PLAGL1: variants seen among roughly 807,000 people sequenced by gnomAD.
The protein encoded by PLAGL1 is zinc finger protein PLAGL1.
In PLAGL1, 1 loss-of-function variant was observed where a neutral mutation model predicts 4.6. The observed-to-expected ratio is 0.22, with a 90% confidence interval of 0.08 to 1.03. PLAGL1 has a LOEUF of 1.03. Ranked by LOEUF, PLAGL1 falls within the 50% of genes least tolerant of loss-of-function variation. The pLI is 0.58. For missense variants in PLAGL1, 464 were observed against 570.4 expected (o/e 0.81, Z 1.90); for synonymous variants, 240 against 237.8 (o/e 1.01, Z -0.08).
chr6:143,945,155 C>T lies in PLAGL1; in HGVS notation c.153-2492G>A, dbSNP rs933110149. ...CTTACTCAACAATCCTGATCTAGAA[C>T]ATTCTCATCCTATAGCTGAAATTAC... is the stretch of plus-strand genomic sequence containing the variant. On this transcript the variant is annotated intron_variant, in intron 7 of 7. Transcript: ENST00000674357. This position sits in a 1 kb window ranked among gnomAD's most constrained non-coding sequence, Gnocchi z 4.2. Among the ~76,000 whole-genome samples the T allele has an allele frequency of 1.2e-4, 19 of 152,162 alleles. No individual in the cohort carries two copies. The highest frequency in any genetic ancestry group is 6.5e-4 in the Admixed American group (10 of 15,276).
rs55768066 is a variant in PLAGL1, at chr6:143,985,982, T to TTATATATATATATATATATA, written c.-583-828_-583-809dup. 0.013 allele frequency among the ~76,000 whole-genome samples: 1,500 copies of TTATATATATATATATATATA among 111,396 alleles called. 95 individuals carry two copies. Among genetic ancestry groups the TTATATATATATATATATATA allele is most frequent in the South Asian group, 0.022 (73 of 3,306 alleles). The allele number at this position is 111,396 out of a possible 152,430, so 73.1% of individuals were successfully genotyped here. A position where few individuals can be genotyped will look rare whatever the true frequency, so the allele number is the denominator to read the frequency against. ...TATATCAAATTATATATATATAAAA[T>TTATATATATATATATATATA]TATATATATATATATATATATATAT... On this transcript the variant is annotated intron_variant, in intron 1 of 7. Coordinates refer to ENST00000674357, the MANE Select transcript of PLAGL1 (RefSeq NM_001317162.2). This position sits in a 1 kb window ranked among gnomAD's most constrained non-coding sequence, Gnocchi z 4.4.
Position 143,941,987 on chromosome 6 carries a change from G to T in PLAGL1, c.829C>A (p.Pro277Thr). 2.5e-6 allele frequency: 4 copies of T among 1,593,004 alleles called. No homozygotes were observed. In the South Asian group the frequency reaches 3.5e-5, roughly 14 times the overall value. Residue 277 changes from proline (P) to threonine (T), a missense_variant, in exon 8 of 8, where the codon CCG (proline) becomes ACG (threonine). Physicochemically the swap from Pro to Thr is conservative, Grantham distance 38 (BLOSUM62 -1). This residue lies in a region of PLAGL1 where 248 missense variants were observed against 250.1 expected (regional missense o/e 0.99). Coordinates refer to ENST00000674357, the MANE Select transcript of PLAGL1 (RefSeq NM_001317162.2). This position sits in a 1 kb window ranked among gnomAD's most constrained non-coding sequence, Gnocchi z 6.0. ...PPEQAAQPMQ[P>T]LPESLASLHP... ...AGGGAGGCCAGGGACTCTGGCAGCG[G>T]CTGCATAGGCTGGGCGGCTTGTTCT... is the stretch of plus-strand genomic sequence containing the variant.
At position 144,016,503 on chromosome 6, in the gene PLAGL1, C is replaced by T. The variant is rs1350031329; in HGVS notation, c.-150-47525G>A. On this transcript the variant is annotated intron_variant, in intron 1 of 3. Coordinates refer to the PLAGL1 transcript ENST00000437412. The surrounding 1 kb of genome is among the most constrained non-coding windows in gnomAD (Gnocchi z 4.2). ...CTTTCAATCCAATCAAGGTGACAGT[C>T]AGTATTAACCATCATAATATGTAAA... Among the ~76,000 whole-genome samples, 2 of 152,158 alleles carry T rather than the reference C, an allele frequency of 1.3e-5. No homozygotes were observed. The highest frequency in any genetic ancestry group is 4.8e-5 in the African/African-American group (2 of 41,422).
chr6:144,060,556 T>C (rs1799313184), intron 1 of PLAGL1, among the ~76,000 whole-genome samples: 1 of 152,218 alleles, frequency 6.6e-6, no homozygotes, highest in South Asian at 2.1e-4. Flanking sequence ...AGGGGCCACG[T>C]GCATCTAAAA....
chr6:143,973,478 C>CG lies in PLAGL1; in HGVS notation c.-543-4501dup, dbSNP rs761805649. Among the ~76,000 whole-genome samples, 3 of 152,112 alleles carry CG rather than the reference C, an allele frequency of 2.0e-5. No homozygotes were observed. The highest frequency in any genetic ancestry group is 4.8e-5 in the African/African-American group (2 of 41,420). On this transcript the variant is annotated intron_variant, in intron 2 of 7. Transcript: ENST00000674357. This position sits in a 1 kb window ranked among gnomAD's most constrained non-coding sequence, Gnocchi z 6.2. ...CAAGGTCAGAGGGAGAAAACAAGCACGGGGGGAAGTCCTCTGCTTCTAGGG... is the reference window on the plus strand; with the variant it reads ...CAAGGTCAGAGGGAGAAAACAAGCACGGGGGGGAAGTCCTCTGCTTCTAGGG...
At chr6:144,031,226 G>A (rs1394397050) in intron 1 of PLAGL1, among the ~76,000 whole-genome samples, 1 of 152,164 alleles carries the variant, frequency 6.6e-6, no homozygotes, top group African/African-American at 2.4e-5. Flanking sequence ...ATTTGTTTGA[G>A]TTCTTTGTAG....
rs2128560949 is a variant in PLAGL1, at chr6:143,963,608, C to T, written c.-399+1179G>A. Among the ~76,000 whole-genome samples, 1 of 152,342 alleles carries T rather than the reference C, an allele frequency of 6.6e-6. No individual in the cohort carries two copies. Among genetic ancestry groups the T allele is most frequent in the Admixed American group, 6.5e-5 (1 of 15,306 alleles). On this transcript the variant is annotated intron_variant, in intron 5 of 7. Transcript: ENST00000674357. The surrounding 1 kb of genome is among the most constrained non-coding windows in gnomAD (Gnocchi z 6.1). ...TGCCCATGATCCTACAGCCAGCAAG[C>T]AGTTAAGCTTGCTGTAGAATCCAGG... is the stretch of plus-strand genomic sequence containing the variant.
At position 143,945,336 on chromosome 6, in the gene PLAGL1, C is replaced by T. The variant is rs966475431; in HGVS notation, c.152+2649G>A. 1.3e-5 allele frequency among the ~76,000 whole-genome samples: 2 copies of T among 152,178 alleles called. No homozygotes were observed. Among genetic ancestry groups the T allele is most frequent in the Non-Finnish European group, 2.9e-5 (2 of 68,026 alleles). On this transcript the variant is annotated intron_variant, in intron 7 of 7. Transcript: ENST00000674357. This position sits in a 1 kb window ranked among gnomAD's most constrained non-coding sequence, Gnocchi z 4.2. ...TAGAATTATTTAGAGGTTGATTGCT[C>T]ACATTAGGACCTCCAACCTTGCCAA...
At chr6:144,011,697 T>C (rs1371608909), upstream of PLAGL1, among the ~76,000 whole-genome samples, 3 of 151,968 alleles carry the variant, frequency 2.0e-5, no homozygotes. This position sits in a 1 kb window ranked among gnomAD's most constrained non-coding sequence, Gnocchi z 4.3. Context: ...CAAGGAGAGG[T>C]GGGGGAAAAG....
At chr6:144,002,039 G>A (rs1281918458) in intron 1 of PLAGL1, among the ~76,000 whole-genome samples, 2 of 152,098 alleles carry the variant, frequency 1.3e-5, no homozygotes, top group African/African-American at 4.8e-5. Context: ...TCTGAATAAA[G>A]TGTATAGTTT....
intron 2 of PLAGL1, among the ~76,000 whole-genome samples, chr6:143,976,135 T>G (rs755478906): frequency 2.6e-4 from 39 of 151,964 alleles, no homozygotes; most frequent in Non-Finnish European, 4.7e-4. Context: ...CAGTACAGAG[T>G]GTACAGAATA....
In PLAGL1 at chr6:144,034,182, G is replaced by A. The variant is rs907674203; in HGVS notation, c.-151+30286C>T. 6.6e-6 allele frequency among the ~76,000 whole-genome samples: 1 copy of A among 152,156 alleles called. No individual in the cohort carries two copies. Among genetic ancestry groups the A allele is most frequent in the African/African-American group, 2.4e-5 (1 of 41,434 alleles). Reference sequence around the variant, plus strand: ...TAAAACCACGTTGTTGGAGGAGGGGGTGCCCCAGCTTAGCGAACCCCAGCC... The same window carrying A: ...TAAAACCACGTTGTTGGAGGAGGGGATGCCCCAGCTTAGCGAACCCCAGCC... On this transcript the variant is annotated intron_variant, in intron 1 of 3. Coordinates refer to the PLAGL1 transcript ENST00000437412. The surrounding 1 kb of genome is among the most constrained non-coding windows in gnomAD (Gnocchi z 4.7).
At position 143,989,609 on chromosome 6, in the gene PLAGL1, C is replaced by T. The variant is rs959268100; in HGVS notation, c.-583-4435G>A. Reference sequence around the variant, plus strand: ...GGACCAGAATCACACCACCAGCTTTCCCGAGTCTCCAGCTTGCAGACAGTT... The same window carrying T: ...GGACCAGAATCACACCACCAGCTTTTCCGAGTCTCCAGCTTGCAGACAGTT... On this transcript the variant is annotated intron_variant, in intron 1 of 7. Transcript: ENST00000674357. This position sits in a 1 kb window ranked among gnomAD's most constrained non-coding sequence, Gnocchi z 4.8. Among the ~76,000 whole-genome samples, 1 of 152,212 alleles carries T rather than the reference C, an allele frequency of 6.6e-6. No homozygotes were observed. Among genetic ancestry groups the T allele is most frequent in the African/African-American group, 2.4e-5 (1 of 41,450 alleles).
chr6:143,968,895 A>T lies in PLAGL1; in HGVS notation c.-472+12T>A, dbSNP rs1462245937. 1 of 152,178 alleles carries T rather than the reference A, an allele frequency of 6.6e-6. No homozygotes were observed. Among genetic ancestry groups the T allele is most frequent in the African/African-American group, 2.4e-5 (1 of 41,420 alleles). The allele number at this position is 152,178 out of a possible 1,614,324, so 9.4% of individuals were successfully genotyped here. The stretch of plus-strand genomic sequence containing the variant: ...GGGCAGGAGTTGGAGGGTTCCGCAT[A>T]GACGTATTTACCTTTCTAAGTGAGG... On this transcript the variant is annotated intron_variant, in intron 3 of 7. Coordinates refer to ENST00000674357, the MANE Select transcript of PLAGL1 (RefSeq NM_001317162.2). This position sits in a 1 kb window ranked among gnomAD's most constrained non-coding sequence, Gnocchi z 6.3.
chr6:143,947,886 T>C lies in PLAGL1; in HGVS notation c.152+99A>G, dbSNP rs192832590. ...TCCCTCAAAGGCTAAAATGCATCCA[T>C]ATCCTGTGTCCCTTTCCCCTTGCAT... is the stretch of plus-strand genomic sequence containing the variant. On this transcript the variant is annotated intron_variant, in intron 7 of 7. Transcript: ENST00000674357. The surrounding 1 kb of genome is among the most constrained non-coding windows in gnomAD (Gnocchi z 4.3). The C allele has an allele frequency of 2.1e-6, 2 of 946,184 alleles. No individual in the cohort carries two copies. The highest frequency in any genetic ancestry group is 2.2e-5 in the Admixed American group (1 of 45,416). 58.6% of individuals were successfully genotyped at this position (946,184 alleles called of 1,614,324 possible). A position where few individuals can be genotyped will look rare whatever the true frequency, so the allele number is the denominator to read the frequency against.
At chr6:144,043,636 CT>C (rs903895460) in intron 1 of PLAGL1, among the ~76,000 whole-genome samples, 5 of 151,132 alleles carry the variant, frequency 3.3e-5, no homozygotes, top group African/African-American at 4.9e-5. Flanking sequence ...CTAAAATTCT[CT>C]TTTTTTTTGT....
chr6:144,034,311 T>C lies in PLAGL1; in HGVS notation c.-151+30157A>G, dbSNP rs1246705618. Among the ~76,000 whole-genome samples the C allele has an allele frequency of 6.6e-6, 1 of 152,076 alleles. No homozygotes were observed. Among genetic ancestry groups the C allele is most frequent in the East Asian group, 1.9e-4 (1 of 5,184 alleles). On this transcript the variant is annotated intron_variant, in intron 1 of 3. Transcript: ENST00000437412. This position sits in a 1 kb window ranked among gnomAD's most constrained non-coding sequence, Gnocchi z 4.7. The stretch of plus-strand genomic sequence containing the variant: ...ACACCACACCCTCTGGACTGAAGCC[T>C]CTAGGCCCCAGATTGCTGACTCAGG...
chr6:143,946,530 G>A (rs1779839226), intron 7 of PLAGL1, among the ~76,000 whole-genome samples: 1 of 152,196 alleles, frequency 6.6e-6, no homozygotes, highest in Non-Finnish European at 1.5e-5. Context: ...GAAGACATTT[G>A]AATTTTAAAA....
At position 144,004,579 on chromosome 6, in the gene PLAGL1, G is replaced by C. The variant is rs1793741376; in HGVS notation, c.-584+3511C>G. 6.6e-6 allele frequency among the ~76,000 whole-genome samples: 1 copy of C among 152,190 alleles called. No homozygotes were observed. The highest frequency in any genetic ancestry group is 2.4e-5 in the African/African-American group (1 of 41,448). On this transcript the variant is annotated intron_variant, in intron 1 of 7. Transcript: ENST00000674357. The surrounding 1 kb of genome is among the most constrained non-coding windows in gnomAD (Gnocchi z 4.2). ...AGAAATCGGGACAGTAGTTGACTGGGGGAAGCGAGTGGCTCCATTGATAGG... is the reference window on the plus strand; with the variant it reads ...AGAAATCGGGACAGTAGTTGACTGGCGGAAGCGAGTGGCTCCATTGATAGG...
Sources: gnomAD v4.1 joint callset for allele counts (sites outside exome capture counted in the v4.1 genomes callset) on GRCh38, gnomAD v4.1.1 for gene constraint, gnomAD v4.1.1 regional missense constraint, Gnocchi (gnomAD v3.1) non-coding constraint, MANE v1.5 for transcripts, NCBI Gene and HGNC (gene_info 2026-07-23, HGNC 2026-07-21) for gene names.